Variants in UVRAG observed in about 807,000 individuals in gnomAD.
UVRAG encodes the protein UV radiation resistance-associated gene protein.
UVRAG carries 19 observed loss-of-function variants against 78.0 expected under a neutral mutation model. The observed-to-expected ratio is 0.24, with a 90% CI of 0.17 to 0.36. The LOEUF (loss-of-function observed/expected upper bound fraction) is 0.36, where lower values mean the gene tolerates loss of function less well. Among genes scored for constraint, UVRAG ranks in the 10% least tolerant of loss-of-function variants. The probability of loss-of-function intolerance (pLI) is 1.00; values close to 1 mark genes in which losing one functional copy is unlikely to be tolerated. For synonymous variants in UVRAG, 323 were observed against 324.6 expected (o/e 1.00, Z 0.05); for missense variants, 740 against 853.8 (o/e 0.87, Z 1.66).
chr11:75,884,240 T>TCTCTC (rs1555080662), intron 4 of UVRAG, among the ~76,000 whole-genome samples: 44 of 132,560 alleles, frequency 3.3e-4, no homozygotes, highest in Middle Eastern at 3.6e-3. Flanking sequence ...CTCTCTCTCT[T>TCTCTC]TCTCTCTCTC....
At chr11:75,827,559 C>T (rs909647950) in intron 1 of UVRAG, among the ~76,000 whole-genome samples, 2 of 152,008 alleles carry the variant, frequency 1.3e-5, no homozygotes, top group African/African-American at 2.4e-5. Context: ...TGCAGTGAGC[C>T]GAGATCACGC....
At chr11:75,943,318 T>TA (rs540653368) in intron 6 of UVRAG, among the ~76,000 whole-genome samples, 4,091 of 150,784 alleles carry the variant, frequency 0.027, 190 homozygotes, top group African/African-American at 0.095. Flanking sequence ...TTTTTTTTTT[T>TA]AAATTTATTG....
chr11:75,870,617 T>A (rs1946627164), intron 3 of UVRAG, among the ~76,000 whole-genome samples: 1 of 152,196 alleles, frequency 6.6e-6, no homozygotes, highest in Admixed American at 6.5e-5. Context: ...AATGACTACC[T>A]TTTAGGGTGG....
intron 6 of UVRAG, among the ~76,000 whole-genome samples, chr11:75,926,707 G>A (rs922797995): frequency 1.3e-5 from 2 of 152,110 alleles, no homozygotes; most frequent in Admixed American, 6.5e-5. Flanking sequence ...AGTTTACTTT[G>A]ATGGGAAAGA....
At chr11:75,909,448 C>G (rs1026489029) in intron 5 of UVRAG, among the ~76,000 whole-genome samples, 1 of 151,974 alleles carries the variant, frequency 6.6e-6, no homozygotes. Context: ...CATGCTACTA[C>G]TCTCCAGCCT....
intron 3 of UVRAG, 30 bp from the exon 4 acceptor site, chr11:75,879,849 C>T (rs752096784): frequency 1.2e-6 from 2 of 1,610,000 alleles, no homozygotes; most frequent in Non-Finnish European, 1.7e-6. Flanking sequence ...ATAGAGTTGT[C>T]CTAAAGCGTG....
chr11:76,083,690 C>CA (rs896266790), intron 13 of UVRAG, among the ~76,000 whole-genome samples: 2 of 152,080 alleles, frequency 1.3e-5, no homozygotes, highest in African/African-American at 4.8e-5. Context: ...ATAACCAAGC[C>CA]AAAAAATTTT....
intron 6 of UVRAG, among the ~76,000 whole-genome samples, chr11:75,939,388 G>C (rs772660273): frequency 6.6e-6 from 1 of 152,092 alleles, no homozygotes; most frequent in Non-Finnish European, 1.5e-5. Context: ...CATATGATCT[G>C]ATTCCTTCCC....
chr11:75,860,564 A>G (rs1946395927), intron 2 of UVRAG, among the ~76,000 whole-genome samples: 1 of 152,220 alleles, frequency 6.6e-6, no homozygotes, highest in Non-Finnish European at 1.5e-5. Flanking sequence ...ATATGTATAC[A>G]TAAATACATA....
chr11:76,079,656 T>A (rs1951463461), intron 13 of UVRAG, among the ~76,000 whole-genome samples: 1 of 152,214 alleles, frequency 6.6e-6, no homozygotes, highest in South Asian at 2.1e-4. Flanking sequence ...TACATTTATG[T>A]AGTGCCTTAC....
intron 8 of UVRAG, among the ~76,000 whole-genome samples, chr11:76,003,268 T>A (rs1949856639): frequency 7.5e-6 from 1 of 133,426 alleles, no homozygotes; most frequent in Admixed American, 7.6e-5. Context: ...TTTTTTTTTT[T>A]TTTTTTTTTT....
At chr11:76,138,841 T>C (rs554720351) in intron 14 of UVRAG, among the ~76,000 whole-genome samples, 10 of 152,236 alleles carry the variant, frequency 6.6e-5, no homozygotes, top group Non-Finnish European at 1.5e-4. Context: ...TGTTCTCTTT[T>C]GGTTTGAGTA....
Position 76,029,305 on chromosome 11 carries a change from C to G in UVRAG, c.1226+12325C>G, listed in dbSNP as rs115672031. 9.0e-3 allele frequency among the ~76,000 whole-genome samples: 1,374 copies of G among 152,274 alleles called. 20 individuals are homozygous for G. Among genetic ancestry groups the G allele is most frequent in the African/African-American group, 0.031 (1,309 of 41,568 alleles). ...TGGAAGTTGTCTTCATGCCTGCTAA[C>G]ATAGTATCCATTCCGCAACCCATGG... On this transcript the variant is annotated intron_variant, in intron 12 of 14. Transcript: ENST00000356136.
chr11:75,999,675 A>G (rs1330556541), intron 8 of UVRAG, among the ~76,000 whole-genome samples: 2 of 152,090 alleles, frequency 1.3e-5, no homozygotes, highest in African/African-American at 2.4e-5. Flanking sequence ...CACCGTGCCC[A>G]GCCATATTTT....
intron 13 of UVRAG, among the ~76,000 whole-genome samples, chr11:76,081,645 A>T (rs980268713): frequency 1.1e-4 from 16 of 151,532 alleles, no homozygotes; most frequent in Admixed American, 8.6e-4. Flanking sequence ...GTATGATTTT[A>T]AAAAAAAACA....
chr11:75,858,061 C>G (rs1302123466), intron 2 of UVRAG, among the ~76,000 whole-genome samples: 1 of 151,896 alleles, frequency 6.6e-6, no homozygotes, highest in Non-Finnish European at 1.5e-5. Context: ...TGCTCTGTCC[C>G]CAATATGCAG....
chr11:76,052,480 T>A (rs1052932403), intron 12 of UVRAG, among the ~76,000 whole-genome samples: 2 of 152,172 alleles, frequency 1.3e-5, no homozygotes, highest in Non-Finnish European at 2.9e-5. Context: ...CTTCATTTCC[T>A]TACCTCTAGC....
chr11:75,976,767 T>C (rs1949251045), intron 7 of UVRAG, among the ~76,000 whole-genome samples: 1 of 152,222 alleles, frequency 6.6e-6, no homozygotes, highest in East Asian at 1.9e-4. Flanking sequence ...TTTTCTTCTT[T>C]ATTAGTCTTG....
At chr11:75,982,022 A>G (rs879465868) in intron 7 of UVRAG, among the ~76,000 whole-genome samples, 10 of 151,226 alleles carry the variant, frequency 6.6e-5, no homozygotes, top group Non-Finnish European at 1.2e-4. Flanking sequence ...TAACACGTCT[A>G]TCATGTCAGT....
Sources: allele counts gnomAD v4.1 joint callset (sites outside exome capture counted in the v4.1 genomes callset), GRCh38; gene constraint gnomAD v4.1.1; transcripts MANE v1.5; gene names NCBI Gene and HGNC (gene_info 2026-07-23, HGNC 2026-07-21).